Variants in SSU72 observed in about 807,000 individuals in gnomAD.
The protein encoded by SSU72 is RNA polymerase II subunit A C-terminal domain phosphatase SSU72.
Under a neutral mutation model 22.7 loss-of-function variants are expected in SSU72, and 12 were observed. That is an observed-to-expected ratio of 0.53 (90% CI 0.34 to 0.86). The LOEUF (loss-of-function observed/expected upper bound fraction) is 0.86. SSU72 is among the 40% of genes least tolerant of loss of function. SSU72 has a pLI of 0.02. For missense variants in SSU72, 151 were observed against 249.8 expected, an observed-to-expected ratio of 0.60 and a Z score of 2.67; for synonymous variants, 116 against 98.3, an observed-to-expected ratio of 1.18 and a Z score of -1.06.
At chr1:1,573,026 C>T (rs574299234) in intron 1 of SSU72, among the ~76,000 whole-genome samples, 61 of 152,132 alleles carry the variant, frequency 4.0e-4, no homozygotes, top group Middle Eastern at 3.4e-3. Flanking sequence ...CGGTGGCTGA[C>T]GCCTGTAATC....
intron 2 of SSU72, among the ~76,000 whole-genome samples, chr1:1,558,132 C>T (rs939900387): frequency 2.0e-5 from 3 of 147,788 alleles, no homozygotes; most frequent in African/African-American, 7.6e-5. Flanking sequence ...AACCCAGGGT[C>T]GGAGGTTGCA....
intron 2 of SSU72, among the ~76,000 whole-genome samples, chr1:1,553,280 C>T (rs895993649): frequency 1.3e-5 from 2 of 152,052 alleles, no homozygotes; most frequent in Non-Finnish European, 1.5e-5. Flanking sequence ...GCAGACAGAA[C>T]ATAAGGGACT....
chr1:1,566,755 G>A (rs1016103732), intron 1 of SSU72, among the ~76,000 whole-genome samples: 5 of 152,050 alleles, frequency 3.3e-5, no homozygotes, highest in African/African-American at 1.2e-4. Context: ...TCGGGAGGCT[G>A]AGGCAGGAGA....
intron 1 of SSU72, among the ~76,000 whole-genome samples, chr1:1,573,053 C>G (rs1642752543): frequency 6.6e-6 from 1 of 151,858 alleles, no homozygotes; most frequent in South Asian, 2.1e-4. Flanking sequence ...CTTTGGGAGG[C>G]CGAGGCGGGC....
At chr1:1,564,092 C>T (rs1328079023) in intron 2 of SSU72, 1 of 159,326 alleles carries the variant, frequency 6.3e-6, no homozygotes, top group Non-Finnish European at 1.4e-5. Flanking sequence ...GATCCAGAAA[C>T]TTTCCATTAG....
chr1:1,574,332 C>T lies in SSU72; in HGVS notation c.80+146G>A, dbSNP rs1642779862. ...CGTGTGGACTACGCGCGCTGCCGTC[C>T]AGCTGCCATCCCAACCAGCCGACCC... On this transcript the variant is annotated intron_variant, in intron 1 of 4. Transcript: ENST00000291386. 1.1e-5 allele frequency: 9 copies of T among 793,076 alleles called. No homozygotes were observed. In the South Asian group the frequency reaches 1.7e-4, roughly 15 times the overall value. The allele number at this position is 793,076 out of a possible 1,614,324, so 49.1% of individuals were successfully genotyped here.
chr1:1,572,791 T>C, intron 1 of SSU72, among the ~76,000 whole-genome samples: 1 of 141,356 alleles, frequency 7.1e-6, no homozygotes, highest in East Asian at 2.2e-4. Flanking sequence ...CAGCAGAAAA[T>C]CTTGAACAAA....
In SSU72 at chr1:1,542,082, G is replaced by A. The variant is rs1642327845; in HGVS notation, c.569C>T (p.Thr190Ile). Residue 190 changes from threonine (T) to isoleucine (I), a missense_variant, in exon 5 of 5, where the codon ACC becomes ATC. Physicochemically the swap from Thr to Ile is moderately conservative, Grantham distance 89. Coordinates refer to ENST00000291386, the MANE Select transcript of SSU72 (RefSeq NM_014188.3). This position sits in a 1 kb window ranked among gnomAD's most constrained non-coding sequence, Gnocchi z 4.4. ...GCGCTGGGCTCAGTAGAAGCAGACG[G>A]TGTGCAGAAAGGTGCGGCCACTCTT... ...EEKSGRTFLH[T>I]VCFY 1.3e-6 allele frequency: 2 copies of A among 1,585,492 alleles called. No individual in the cohort carries two copies. The highest frequency in any genetic ancestry group is 1.7e-6 in the Non-Finnish European group (2 of 1,165,914).
chr1:1,544,495 G>A (rs1642368019), intron 3 of SSU72: 1 of 322,462 alleles, frequency 3.1e-6, no homozygotes, highest in African/African-American at 2.1e-5. Context: ...GCACACGCCT[G>A]TAGTCCCAGC....
chr1:1,555,456 C>A (rs751955549), intron 2 of SSU72, among the ~76,000 whole-genome samples: 2 of 152,198 alleles, frequency 1.3e-5, no homozygotes, highest in Non-Finnish European at 2.9e-5. Flanking sequence ...ACCAGTGCTG[C>A]AGGGGCCAGG....
chr1:1,564,578 A>C (rs779919146), intron 2 of SSU72, 195 bp downstream of exon 2: 3 of 1,600,858 alleles, frequency 1.9e-6, no homozygotes, highest in Non-Finnish European at 1.7e-6. Flanking sequence ...CACCACGCCT[A>C]CTGCCATGGG....
At position 1,554,787 on chromosome 1, in the gene SSU72, G is replaced by C. The variant is rs1178836460; in HGVS notation, c.225-9785C>G. The stretch of plus-strand genomic sequence containing the variant: ...CGCTGGCCACAGGCACTGGAGCCAC[G>C]AAAGCAACAGCCCTGGGCAGCCCAG... On this transcript the variant is annotated intron_variant, in intron 2 of 4. Coordinates refer to ENST00000291386, the MANE Select transcript of SSU72 (RefSeq NM_014188.3). This position sits in a 1 kb window ranked among gnomAD's most constrained non-coding sequence, Gnocchi z 4.1. Among the ~76,000 whole-genome samples, 1 of 152,144 alleles carries C rather than the reference G, an allele frequency of 6.6e-6. No homozygotes were observed. The highest frequency in any genetic ancestry group is 1.5e-5 in the Non-Finnish European group (1 of 68,026).
chr1:1,568,850 C>T (rs1358225046), intron 1 of SSU72, among the ~76,000 whole-genome samples: 1 of 151,732 alleles, frequency 6.6e-6, no homozygotes, highest in Admixed American at 6.6e-5. Flanking sequence ...GCCTGGGCAA[C>T]ACAGTAAGAC....
intron 1 of SSU72, among the ~76,000 whole-genome samples, chr1:1,571,955 G>A (rs1310601045): frequency 4.0e-5 from 6 of 151,172 alleles, no homozygotes; most frequent in South Asian, 2.1e-4. Context: ...TCACTATGCC[G>A]GGGTCATTTT....
rs1476317815 is a variant in SSU72, at chr1:1,564,774, G to A, written c.223C>T (p.Leu75Phe). The change falls in exon 2 of 5, where the codon CTC becomes TTC. Residue 75 changes from leucine to phenylalanine, a missense_variant and splice_region_variant. Physicochemically the swap from Leu to Phe is conservative, Grantham distance 22. Coordinates refer to ENST00000291386, the MANE Select transcript of SSU72 (RefSeq NM_014188.3). ...YNDLLRKDKE[L>F]YTQNGILHML... ...TTAAAGGGCAACCCGCTGGGATACA[G>A]TTCTTTGTCTTTCCTAAGAAGATCA... The A allele has an allele frequency of 8.1e-6, 13 of 1,614,118 alleles. No homozygotes were observed. The highest frequency in any genetic ancestry group is 1.1e-5 in the Non-Finnish European group (13 of 1,180,060).
chr1:1,569,696 G>T (rs930486801), intron 1 of SSU72, among the ~76,000 whole-genome samples: 29 of 152,080 alleles, frequency 1.9e-4, no homozygotes, highest in Non-Finnish European at 4.4e-5. Context: ...TAATGATAGC[G>T]GGTCTCACTG....
intron 2 of SSU72, among the ~76,000 whole-genome samples, chr1:1,549,221 T>C (rs1453092368): frequency 2.6e-5 from 4 of 151,738 alleles, no homozygotes; most frequent in African/African-American, 9.7e-5. Flanking sequence ...CTACAAAAAA[T>C]AAAAAATTAC....
intron 1 of SSU72, 112 bp downstream of exon 1, chr1:1,574,366 G>C: frequency 8.5e-7 from 1 of 1,173,362 alleles, no homozygotes; most frequent in Non-Finnish European, 1.2e-6. Context: ...CCACGAGCGC[G>C]GCCCGGCCCG....
chr1:1,569,344 G>C (rs1299694597), intron 1 of SSU72, among the ~76,000 whole-genome samples: 1 of 152,012 alleles, frequency 6.6e-6, no homozygotes, highest in African/African-American at 2.4e-5. Context: ...TGAAACATGA[G>C]GACTCCCAGG....
Sources: allele counts gnomAD v4.1 joint callset (sites outside exome capture counted in the v4.1 genomes callset), GRCh38; gene constraint gnomAD v4.1.1; non-coding constraint Gnocchi (gnomAD v3.1); transcripts MANE v1.5; gene names NCBI Gene and HGNC (gene_info 2026-07-23, HGNC 2026-07-21).